Variants in EXT2 observed in about 807,000 individuals in gnomAD.
The protein encoded by EXT2 is exostosin-2.
Under a neutral mutation model 81.6 loss-of-function variants are expected in EXT2, and 53 were observed. The observed-to-expected ratio is 0.65, with a 90% CI of 0.52 to 0.82. EXT2 has a LOEUF of 0.82. EXT2 is among the 40% of genes least tolerant of loss of function. The probability of loss-of-function intolerance (pLI) is 0.00; values close to 1 mark genes in which losing one functional copy is unlikely to be tolerated. For missense variants in EXT2, 774 were observed against 910.2 expected, an observed-to-expected ratio of 0.85 and a Z score of 1.93; for synonymous variants, 320 against 340.0, an observed-to-expected ratio of 0.94 and a Z score of 0.65.
chr11:44,102,534 CTT>C (rs59752163), intron 1 of EXT2, among the ~76,000 whole-genome samples: 24,188 of 105,516 alleles, frequency 0.23, 1,855 homozygotes, highest in East Asian at 0.3. Flanking sequence ...CTGTCTCTCT[CTT>C]TTTTTTTTTT....
chr11:44,212,301 AAATAAATAAATAAATAAATAAATAAAT>A (rs1955659168), intron 10 of EXT2, among the ~76,000 whole-genome samples: 3 of 124,016 alleles, frequency 2.4e-5, no homozygotes, highest in Non-Finnish European at 5.2e-5. Flanking sequence ...ATAAAAATAT[AAATAAATAAATAAATAAATAAATAAAT>A]AAATAAATAA....
At chr11:44,218,944 C>A (rs1052498641) in intron 10 of EXT2, among the ~76,000 whole-genome samples, 4 of 151,528 alleles carry the variant, frequency 2.6e-5, no homozygotes, top group African/African-American at 7.3e-5. Context: ...ATTACAGGAA[C>A]CTGCCACCAT....
chr11:44,222,176 T>C (rs1271430773), intron 10 of EXT2, among the ~76,000 whole-genome samples: 1 of 152,146 alleles, frequency 6.6e-6, no homozygotes, highest in Non-Finnish European at 1.5e-5. Flanking sequence ...CCAACCAGCA[T>C]TTAGGCTGAA....
intron 10 of EXT2, among the ~76,000 whole-genome samples, chr11:44,223,816 A>G (rs1955808711): frequency 6.6e-6 from 1 of 152,036 alleles, no homozygotes; most frequent in African/African-American, 2.4e-5. Context: ...AGGCCCGGCT[A>G]ATTTTTTTGA....
At chr11:44,128,608 C>A (rs1005680324) in intron 6 of EXT2, among the ~76,000 whole-genome samples, 9 of 152,130 alleles carry the variant, frequency 5.9e-5, no homozygotes, top group Non-Finnish European at 1.0e-4. Context: ...GAGACACACA[C>A]CATCATTGGC....
intron 10 of EXT2, among the ~76,000 whole-genome samples, chr11:44,219,640 C>T (rs377541636): frequency 1.3e-5 from 2 of 152,202 alleles, no homozygotes; most frequent in African/African-American, 4.8e-5. Flanking sequence ...AAATGTGCCT[C>T]AGTCTGTTGG....
At chr11:44,117,918 C>T (rs906764644) in intron 4 of EXT2, among the ~76,000 whole-genome samples, 20 of 152,148 alleles carry the variant, frequency 1.3e-4, no homozygotes, top group African/African-American at 3.4e-4. Context: ...CATGCCACCA[C>T]GCTTGGCTAA....
At chr11:44,185,822 T>A (rs575194778) in intron 8 of EXT2, among the ~76,000 whole-genome samples, 1 of 152,310 alleles carries the variant, frequency 6.6e-6, no homozygotes, top group South Asian at 2.1e-4. Flanking sequence ...ATAGATGACC[T>A]CTCTAATATG....
At chr11:44,184,158 G>C (rs1489153669) in intron 8 of EXT2, among the ~76,000 whole-genome samples, 1 of 152,170 alleles carries the variant, frequency 6.6e-6, no homozygotes, top group African/African-American at 2.4e-5. Flanking sequence ...ACCTGCATGA[G>C]CCCCAGCCTC....
intron 10 of EXT2, among the ~76,000 whole-genome samples, chr11:44,223,121 A>G (rs1362096934): frequency 6.6e-6 from 1 of 152,266 alleles, no homozygotes; most frequent in East Asian, 1.9e-4. Context: ...CCAAAAAAAT[A>G]CAAACAGCAA....
chr11:44,161,482 G>A (rs1045662732), intron 7 of EXT2, among the ~76,000 whole-genome samples: 5 of 151,870 alleles, frequency 3.3e-5, no homozygotes, highest in African/African-American at 1.2e-4. Flanking sequence ...TCCAGTCTGG[G>A]CAATGGAGCA....
intron 8 of EXT2, among the ~76,000 whole-genome samples, chr11:44,183,131 A>G (rs1054364998): frequency 1.3e-5 from 2 of 152,248 alleles, no homozygotes; most frequent in Admixed American, 6.5e-5. Context: ...AATGTATCAT[A>G]TTGGAGAACA....
chr11:44,103,253 T>G (rs1462473105), intron 1 of EXT2, among the ~76,000 whole-genome samples: 2 of 152,086 alleles, frequency 1.3e-5, no homozygotes, highest in African/African-American at 2.4e-5. Flanking sequence ...TTTCTTTATA[T>G]ATATATATGT....
At chr11:44,146,965 A>G (rs1424672685) in intron 7 of EXT2, among the ~76,000 whole-genome samples, 2 of 152,220 alleles carry the variant, frequency 1.3e-5, no homozygotes, top group African/African-American at 2.4e-5. Flanking sequence ...TACATCACTC[A>G]AGATGGTTGA....
At chr11:44,207,895 A>C (rs531144145) in intron 10 of EXT2, among the ~76,000 whole-genome samples, 2 of 152,264 alleles carry the variant, frequency 1.3e-5, no homozygotes, top group African/African-American at 4.8e-5. Flanking sequence ...TAAAAATTAA[A>C]AGCTCAAGTT....
chr11:44,151,903 G>A (rs1305822160), intron 7 of EXT2, among the ~76,000 whole-genome samples: 1 of 152,068 alleles, frequency 6.6e-6, no homozygotes. Flanking sequence ...TTGGATTTTG[G>A]CCATTCTAAT....
chr11:44,239,118 T>C (rs555070418), intron 13 of EXT2, among the ~76,000 whole-genome samples: 139 of 152,200 alleles, frequency 9.1e-4, no homozygotes, highest in Non-Finnish European at 1.3e-3. Context: ...GATTTTTTTT[T>C]CCCAAAGGGA....
rs1350900397 is a variant in EXT2, at chr11:44,251,560, C to G, written c.*7273C>G. Among the ~76,000 whole-genome samples the G allele has an allele frequency of 1.3e-5, 2 of 152,170 alleles. No individual in the cohort carries two copies. The highest frequency in any genetic ancestry group is 4.8e-5 in the African/African-American group (2 of 41,430). Reference sequence around the variant, plus strand: ...GGCTGTGACTATTTACTTCTCGGTACAGATTACTCTGGTTAAATCACTCAG... The same window carrying G: ...GGCTGTGACTATTTACTTCTCGGTAGAGATTACTCTGGTTAAATCACTCAG... On this transcript the variant is annotated 3_prime_UTR_variant, in exon 14 of 14. Coordinates refer to ENST00000533608, the MANE Select transcript of EXT2 (RefSeq NM_207122.2).
At chr11:44,162,486 G>T (rs926653105) in intron 7 of EXT2, among the ~76,000 whole-genome samples, 2 of 148,380 alleles carry the variant, frequency 1.3e-5, no homozygotes, top group African/African-American at 5.0e-5. Flanking sequence ...TGAGGTAGGA[G>T]AATCGCTTGA....
Sources: allele counts gnomAD v4.1 joint callset (sites outside exome capture counted in the v4.1 genomes callset), GRCh38; gene constraint gnomAD v4.1.1; transcripts MANE v1.5; gene names NCBI Gene and HGNC (gene_info 2026-07-23, HGNC 2026-07-21).